Variants in KCNMA1 observed in about 807,000 individuals in gnomAD.
The protein encoded by KCNMA1 is Calcium-activated potassium channel subunit alpha-1.
KCNMA1 carries 29 observed loss-of-function variants against 140.0 expected under a neutral mutation model. The observed-to-expected ratio is 0.21, with a 90% CI of 0.15 to 0.28. The LOEUF (loss-of-function observed/expected upper bound fraction) is 0.28, where lower values mean the gene tolerates loss of function less well. Ranked by LOEUF, KCNMA1 falls within the 10% of genes least tolerant of loss-of-function variation. The pLI is 1.00. For missense variants in KCNMA1, 880 were observed against 1,602.2 expected (o/e 0.55, Z 7.70); for synonymous variants, 612 against 611.9 (o/e 1.00, Z 0.00).
chr10:77,382,865 C>A (rs1264321472), intron 2 of KCNMA1, among the ~76,000 whole-genome samples: 16 of 47,602 alleles, frequency 3.4e-4, no homozygotes, highest in South Asian at 1.5e-3. Context: ...AGCTCCGTCT[C>A]AAAAAAAAAA....
intron 1 of KCNMA1, among the ~76,000 whole-genome samples, chr10:77,533,167 G>A (rs753686689): frequency 1.4e-4 from 21 of 152,296 alleles, no homozygotes; most frequent in Non-Finnish European, 2.6e-4. Flanking sequence ...GGGCATGACA[G>A]TGCTTTCATC....
At chr10:77,331,275 G>A (rs1475821479) in intron 2 of KCNMA1, among the ~76,000 whole-genome samples, 3 of 152,128 alleles carry the variant, frequency 2.0e-5, no homozygotes, top group Non-Finnish European at 2.9e-5. Context: ...TATCTAATCT[G>A]AGCAATAACT....
chr10:77,027,603 C>T (rs1328260521), intron 16 of KCNMA1, among the ~76,000 whole-genome samples: 3 of 152,340 alleles, frequency 2.0e-5, no homozygotes, highest in South Asian at 4.1e-4. Context: ...GAAACACTCT[C>T]TGAATGCCCA....
intron 1 of KCNMA1, among the ~76,000 whole-genome samples, chr10:77,614,367 G>A (rs944359731): frequency 3.3e-5 from 5 of 152,220 alleles, no homozygotes; most frequent in Admixed American, 2.6e-4. Flanking sequence ...GTGGCCCACA[G>A]ACCAGAGTGT....
chr10:77,160,985 C>A (rs187428645), intron 5 of KCNMA1, among the ~76,000 whole-genome samples: 3 of 152,186 alleles, frequency 2.0e-5, no homozygotes, highest in Non-Finnish European at 4.4e-5. Flanking sequence ...TCTTGACTTA[C>A]GAGCCTATTT....
In KCNMA1 at chr10:77,057,551, G is replaced by T. The variant is rs112190872; in HGVS notation, c.1749+15546C>A. On this transcript the variant is annotated intron_variant, in intron 14 of 27. Coordinates refer to ENST00000286628, the MANE Select transcript of KCNMA1 (RefSeq NM_001161352.2). ...AGATAAAAGCAAAAATTATAACATT[G>T]TCTGATATAGTTTGCAACAGCTGTA... is the stretch of plus-strand genomic sequence containing the variant. Among the ~76,000 whole-genome samples, 728 of 152,086 alleles carry T rather than the reference G, an allele frequency of 4.8e-3. 6 individuals are homozygous for T. The highest frequency in any genetic ancestry group is 0.017 in the African/African-American group (698 of 41,544).
At chr10:77,393,767 G>C (rs1274472043) in intron 2 of KCNMA1, among the ~76,000 whole-genome samples, 1 of 152,230 alleles carries the variant, frequency 6.6e-6, no homozygotes, top group Admixed American at 6.5e-5. Flanking sequence ...GACACAAGGA[G>C]CAAGATGGAG....
chr10:77,413,161 A>T (rs1387881398), intron 1 of KCNMA1, among the ~76,000 whole-genome samples: 2 of 152,130 alleles, frequency 1.3e-5, no homozygotes, highest in Non-Finnish European at 2.9e-5. Context: ...GCCCGGCCCC[A>T]TGTTAGCTTT....
chr10:76,963,882 T>C (rs748518302), intron 20 of KCNMA1, among the ~76,000 whole-genome samples: 3 of 152,180 alleles, frequency 2.0e-5, no homozygotes, highest in Non-Finnish European at 4.4e-5. Flanking sequence ...CACACGGGTC[T>C]GTCTGAGCCT....
chr10:77,069,060 A>C (rs2096077509), intron 14 of KCNMA1, among the ~76,000 whole-genome samples: 1 of 152,154 alleles, frequency 6.6e-6, no homozygotes, highest in South Asian at 2.1e-4. Context: ...AATGGATCTT[A>C]AATTACATCC....
At position 77,637,766 on chromosome 10, in the gene KCNMA1, G is replaced by A. The variant is rs1449458790; in HGVS notation, c.-124C>T. ...GCCGCCGCCGCCGCCGCCGCGGAGC[G>A]CGGGAGGGGGGCGGGGAGGCGCCTG... On this transcript the variant is annotated 5_prime_UTR_variant, in exon 1 of 28. Transcript: ENST00000286628. 1 of 1,269,704 alleles carries A rather than the reference G, an allele frequency of 7.9e-7. No individual in the cohort carries two copies. The highest frequency in any genetic ancestry group is 9.9e-7 in the Non-Finnish European group (1 of 1,008,944). 78.7% of individuals were successfully genotyped at this position (1,269,704 alleles called of 1,614,324 possible).
rs989612616 is a variant in KCNMA1 at position 77,513,447 on chromosome 10, C to T, written c.379-109424G>A. ...AGCTATCGAATGCACTGCTGCCTCC[C>T]GGGAGCCTAGCACTTATTCCAAGGC... On this transcript the variant is annotated intron_variant, in intron 1 of 27. Transcript: ENST00000286628. 2.6e-5 allele frequency among the ~76,000 whole-genome samples: 4 copies of T among 152,332 alleles called. 1 individual carries two copies. In the Middle Eastern group the frequency reaches 0.01, roughly 389 times the overall value.
chr10:77,274,115 A>G (rs2065951741), intron 2 of KCNMA1, among the ~76,000 whole-genome samples: 1 of 152,152 alleles, frequency 6.6e-6, no homozygotes, highest in East Asian at 1.9e-4. Flanking sequence ...ACTGTTTACC[A>G]TGGGGATGCA....
chr10:77,615,865 T>C (rs575993465), intron 1 of KCNMA1, among the ~76,000 whole-genome samples: 11 of 152,344 alleles, frequency 7.2e-5, no homozygotes, highest in African/African-American at 2.6e-4. Context: ...ATCCTGGTTA[T>C]ATTGACAAAG....
chr10:76,875,135 G>A (rs2032127633), downstream of KCNMA1: 1 of 152,206 alleles, frequency 6.6e-6, no homozygotes, highest in African/African-American at 2.4e-5. Context: ...GCCCTCCAGT[G>A]ATTTCACAAA....
At chr10:77,556,322 T>C (rs2064365915) in intron 1 of KCNMA1, among the ~76,000 whole-genome samples, 1 of 151,820 alleles carries the variant, frequency 6.6e-6, no homozygotes, top group Non-Finnish European at 1.5e-5. Context: ...CTGGCCAACA[T>C]GGTGAAACCC....
chr10:77,207,599 GC>G (rs2044562614), intron 3 of KCNMA1, among the ~76,000 whole-genome samples: 1 of 152,174 alleles, frequency 6.6e-6, no homozygotes, highest in Admixed American at 6.6e-5. Flanking sequence ...AGCCAGGCAA[GC>G]CAGTACCTGA....
intron 1 of KCNMA1, among the ~76,000 whole-genome samples, chr10:77,606,462 T>G (rs944330194): frequency 3.3e-5 from 5 of 152,038 alleles, no homozygotes; most frequent in African/African-American, 7.2e-5. Context: ...ATTAAAAAAT[T>G]AGCTGGGCAC....
intron 1 of KCNMA1, among the ~76,000 whole-genome samples, chr10:77,578,322 G>A (rs115319661): frequency 0.01 from 1,588 of 152,320 alleles, 25 homozygotes; most frequent in African/African-American, 0.035. Context: ...TGATCAGCCC[G>A]GTGGCCAAGG....
Sources: allele counts gnomAD v4.1 joint callset (sites outside exome capture counted in the v4.1 genomes callset), GRCh38; gene constraint gnomAD v4.1.1; transcripts MANE v1.5; gene names NCBI Gene and HGNC (gene_info 2026-07-23, HGNC 2026-07-21).